Variants in GCNT1 observed in about 807,000 individuals in gnomAD.
GCNT1 encodes glucosaminyl (N-acetyl) transferase 1.
In GCNT1, 16 loss-of-function variants were observed where a neutral mutation model predicts 26.2. That is an observed-to-expected ratio of 0.61 (90% CI 0.41 to 0.93). The LOEUF (loss-of-function observed/expected upper bound fraction) is 0.93, where lower values mean the gene tolerates loss of function less well. GCNT1 is among the 40% of genes least tolerant of loss of function. The probability of loss-of-function intolerance (pLI) is 0.00; values close to 1 mark genes in which losing one functional copy is unlikely to be tolerated. For synonymous variants in GCNT1, 183 were observed against 190.8 expected, an observed-to-expected ratio of 0.96 and a Z score of 0.34; for missense variants, 477 against 526.7, an observed-to-expected ratio of 0.91 and a Z score of 0.92.
chr9:76,503,166 T>G lies in GCNT1; in HGVS notation c.785T>G (p.Val262Gly). 1 of 1,614,138 alleles carries G rather than the reference T, an allele frequency of 6.2e-7. No individual in the cohort carries two copies. The highest frequency in any genetic ancestry group is 8.5e-7 in the Non-Finnish European group (1 of 1,180,016). ...EERWKKRYEV[V>G]NGKLTNTGTV... is the part of the protein sequence containing the mutation. ...AGGTGGAAGAAGCGGTATGAGGTCG[T>G]TAATGGAAAGCTGACAAACACAGGG... Residue 262 changes from valine (V) to glycine (G), a missense_variant, in exon 4 of 4, where the codon GTT becomes GGT. Transcript: ENST00000376730.
intron 2 of GCNT1, among the ~76,000 whole-genome samples, chr9:76,469,565 TG>T (rs1477524674): frequency 6.6e-6 from 1 of 152,218 alleles, no homozygotes; most frequent in African/African-American, 2.4e-5. Context: ...CACTCTCTTC[TG>T]GTCCGTGTTT....
At chr9:76,430,184 T>A (rs914737938) in intron 1 of GCNT1, among the ~76,000 whole-genome samples, 3 of 152,156 alleles carry the variant, frequency 2.0e-5, no homozygotes, top group Non-Finnish European at 4.4e-5. Flanking sequence ...TAGGTGGCTG[T>A]TTTTTTGCAA....
At chr9:76,398,878 G>A in the GCNT1 span, 1 of 1,529,298 alleles carries the variant, frequency 6.5e-7, no homozygotes. Flanking sequence ...AGCTTCTGCT[G>A]GCAGCTAGTG....
At chr9:76,487,548 C>A (rs908196935) in intron 2 of GCNT1, among the ~76,000 whole-genome samples, 1 of 152,076 alleles carries the variant, frequency 6.6e-6, no homozygotes, top group Non-Finnish European at 1.5e-5. Context: ...CATGAGCCAC[C>A]GCGCCCAGCC....
intron 1 of GCNT1, among the ~76,000 whole-genome samples, chr9:76,423,028 G>T (rs1283775577): frequency 6.6e-6 from 1 of 152,194 alleles, no homozygotes; most frequent in Non-Finnish European, 1.5e-5. Flanking sequence ...AGCAGGTTAG[G>T]CATATTAAAT....
chr9:76,500,810 GAGA>G (rs1825042942), intron 2 of GCNT1, 103 bp from the exon 3 acceptor site: 1 of 152,048 alleles, frequency 6.6e-6, no homozygotes, highest in African/African-American at 2.4e-5. Context: ...CCATAATTTT[GAGA>G]AAAAAAAGCA....
intron 1 of GCNT1, among the ~76,000 whole-genome samples, chr9:76,450,964 T>C (rs1823656358): frequency 6.6e-6 from 1 of 152,192 alleles, no homozygotes; most frequent in Non-Finnish European, 1.5e-5. Context: ...TGTTTCTTTT[T>C]AAAAACATTA....
chr9:76,418,260 A>T (rs1254106996), upstream of GCNT1, among the ~76,000 whole-genome samples: 1 of 152,208 alleles, frequency 6.6e-6, no homozygotes, highest in Non-Finnish European at 1.5e-5. Context: ...GGTTGTGGAA[A>T]CCAAAGTTTT....
chr9:76,477,751 A>G (rs1028496533), intron 2 of GCNT1, among the ~76,000 whole-genome samples: 38 of 152,144 alleles, frequency 2.5e-4, no homozygotes, highest in African/African-American at 8.7e-4. Context: ...TCATTATCCC[A>G]AACAGAAACT....
At chr9:76,412,809 G>C in the GCNT1 span, among the ~76,000 whole-genome samples, 2 of 152,124 alleles carry the variant, frequency 1.3e-5, no homozygotes, top group African/African-American at 4.8e-5. Context: ...CAACCTACTT[G>C]ACTCACCTTG....
intron 1 of GCNT1, among the ~76,000 whole-genome samples, chr9:76,445,634 C>G (rs1296141735): frequency 1.3e-5 from 2 of 150,748 alleles, no homozygotes. Flanking sequence ...CTCAAGCGAT[C>G]CTCCCGCCTT....
the GCNT1 span, among the ~76,000 whole-genome samples, chr9:76,395,386 C>A: frequency 6.7e-6 from 1 of 150,364 alleles, no homozygotes; most frequent in African/African-American, 2.4e-5. Context: ...TCTCTTTCTA[C>A]CTTACATGTA....
At chr9:76,394,328 G>A in the GCNT1 span, 39 of 617,524 alleles carry the variant, frequency 6.3e-5, no homozygotes, top group South Asian at 9.1e-4. Context: ...CCGACCACAG[G>A]CCACTGCGAA....
Position 76,506,584 on chromosome 9 carries a change from G to A in GCNT1, c.*2916G>A, listed in dbSNP as rs549441202. The A allele has an allele frequency of 1.8e-5, 3 of 167,044 alleles. No individual in the cohort carries two copies. In the East Asian group the frequency reaches 5.8e-4, roughly 32 times the overall value. The allele number at this position is 167,044 out of a possible 1,614,324, so 10.3% of individuals were successfully genotyped here. On this transcript the variant is annotated 3_prime_UTR_variant, in exon 4 of 4. Transcript: ENST00000376730. ...AAACATATGTGAACAAAAATTTTGT[G>A]ATGGAAGGATTCTAGTTAATGAGTA...
chr9:76,424,682 A>T (rs974827343), intron 1 of GCNT1, among the ~76,000 whole-genome samples: 1 of 152,230 alleles, frequency 6.6e-6, no homozygotes, highest in African/African-American at 2.4e-5. Flanking sequence ...TAGATAACTA[A>T]ATCTCTTTTT....
chr9:76,502,319 T>A lies in GCNT1; in HGVS notation c.-63T>A, dbSNP rs1193955631. ...CTTCAAGGCCACGACGGAGGGAAAA[T>A]CATTGGTGCTTGGAGCATAGAAGAC... On this transcript the variant is annotated 5_prime_UTR_variant, in exon 4 of 4. Transcript: ENST00000376730. 7 of 1,162,200 alleles carry A rather than the reference T, an allele frequency of 6.0e-6. No homozygotes were observed. In the Admixed American group the frequency reaches 1.5e-4, roughly 25 times the overall value. The allele number at this position is 1,162,200 out of a possible 1,614,324, so 72.0% of individuals were successfully genotyped here. A position where few individuals can be genotyped will look rare whatever the true frequency, so the allele number is the denominator to read the frequency against.
intron 2 of GCNT1, among the ~76,000 whole-genome samples, chr9:76,477,078 C>A (rs1824268801): frequency 6.6e-6 from 1 of 151,890 alleles, no homozygotes; most frequent in Non-Finnish European, 1.5e-5. Context: ...CCACGCCTGG[C>A]TAATTTTTGT....
chr9:76,415,379 G>A (rs533800892), upstream of GCNT1, among the ~76,000 whole-genome samples: 66 of 152,160 alleles, frequency 4.3e-4, no homozygotes, highest in Non-Finnish European at 7.9e-4. Context: ...TTCACATACT[G>A]TCTCTGCCCC....
intron 2 of GCNT1, among the ~76,000 whole-genome samples, chr9:76,481,981 G>A (rs1824434249): frequency 6.6e-6 from 1 of 152,164 alleles, no homozygotes; most frequent in South Asian, 2.1e-4. Context: ...TTTATAGTGG[G>A]CAGTAAGCAT....
Sources: gnomAD v4.1 joint callset for allele counts (sites outside exome capture counted in the v4.1 genomes callset) on GRCh38, gnomAD v4.1.1 for gene constraint, MANE v1.5 for transcripts, NCBI Gene and HGNC (gene_info 2026-07-23, HGNC 2026-07-21) for gene names.